Variants in SLC43A2 observed in about 807,000 individuals in gnomAD.
SLC43A2 encodes large neutral amino acids transporter small subunit 4.
Under a neutral mutation model 63.2 loss-of-function variants are expected in SLC43A2, and 38 were observed. That is an observed-to-expected ratio of 0.60 (90% confidence interval 0.46 to 0.79). The LOEUF (loss-of-function observed/expected upper bound fraction) is 0.79, where lower values mean the gene tolerates loss of function less well. Ranked by LOEUF, SLC43A2 falls within the 30% of genes least tolerant of loss-of-function variation. The pLI is 0.00. For missense variants in SLC43A2, 644 were observed against 756.2 expected (o/e 0.85, Z 1.74); for synonymous variants, 322 against 331.0 (o/e 0.97, Z 0.30).
Position 1,578,108 on chromosome 17 carries a change from T to A in SLC43A2, c.1424+142A>T. On this transcript the variant is annotated intron_variant, in intron 12 of 13. Transcript: ENST00000301335. The surrounding 1 kb of genome is among the most constrained non-coding windows in gnomAD (Gnocchi z 6.5). ...TCCCTGAAACACCCAGCAGAAACCC[T>A]GGTACCTGTCCCCTGAAGCAGGAAG... 1 of 780,266 alleles carries A rather than the reference T, an allele frequency of 1.3e-6. No homozygotes were observed. Among genetic ancestry groups the A allele is most frequent in the Non-Finnish European group, 2.0e-6 (1 of 487,898 alleles). 48.3% of individuals were successfully genotyped at this position (780,266 alleles called of 1,614,324 possible). A position where few individuals can be genotyped will look rare whatever the true frequency, so the allele number is the denominator to read the frequency against.
At chr17:1,591,025 G>T in intron 8 of SLC43A2, 77 bp from the exon 9 acceptor site, 4 of 1,480,268 alleles carry the variant, frequency 2.7e-6, no homozygotes, top group Non-Finnish European at 3.7e-6. Context: ...ATCCCTCCAC[G>T]CTGGAGGCCA....
Position 1,593,253 on chromosome 17 carries a change from C to T in SLC43A2, c.528G>A (p.Arg176=). ...LTLPNMFGDL[R]STFIALMIGS... ...CAATCATCAAGGCAATAAACGTGGA[C>T]CGAAGGTCGCCGAACATGTTGGGCA... Residue 176 remains arginine, a synonymous_variant, in exon 6 of 14, where the codon CGG becomes CGA. Coordinates refer to ENST00000301335, the MANE Select transcript of SLC43A2 (RefSeq NM_152346.3). This position sits in a 1 kb window ranked among gnomAD's most constrained non-coding sequence, Gnocchi z 5.3. 1.2e-6 allele frequency: 2 copies of T among 1,613,938 alleles called. No individual in the cohort carries two copies. The highest frequency in any genetic ancestry group is 1.6e-4 in the Middle Eastern group (1 of 6,062).
At position 1,583,988 on chromosome 17, in the gene SLC43A2, T is replaced by C. The variant is rs1315027499; in HGVS notation, c.1218-652A>G. ...TCGGCTCATTGCCACCTCTGCCTCC[T>C]GGGTTCAAGCGATTCTCCTGCCTCA... On this transcript the variant is annotated intron_variant, in intron 10 of 13. Coordinates refer to ENST00000301335, the MANE Select transcript of SLC43A2 (RefSeq NM_152346.3). The surrounding 1 kb of genome is among the most constrained non-coding windows in gnomAD (Gnocchi z 5.5). 6.6e-6 allele frequency among the ~76,000 whole-genome samples: 1 copy of C among 150,802 alleles called. No homozygotes were observed. The highest frequency in any genetic ancestry group is 2.4e-5 in the African/African-American group (1 of 40,942).
At position 1,595,607 on chromosome 17, in the gene SLC43A2, G is replaced by A. The variant is rs144015833; in HGVS notation, c.502-2328C>T. On this transcript the variant is annotated intron_variant, in intron 5 of 13. Coordinates refer to ENST00000301335, the MANE Select transcript of SLC43A2 (RefSeq NM_152346.3). ...ACCACAGGTGTGCACCACCATGCCCGGCTAATTTTTGTATTGTTAGTAGAG... is the reference window on the plus strand; with the variant it reads ...ACCACAGGTGTGCACCACCATGCCCAGCTAATTTTTGTATTGTTAGTAGAG... 2.8e-3 allele frequency among the ~76,000 whole-genome samples: 424 copies of A among 152,156 alleles called. 2 individuals carry two copies. Among genetic ancestry groups the A allele is most frequent in the Middle Eastern group, 0.014 (4 of 294 alleles).
chr17:1,624,320 C>T (rs1042030149), intron 2 of SLC43A2, among the ~76,000 whole-genome samples: 1 of 152,156 alleles, frequency 6.6e-6, no homozygotes, highest in African/African-American at 2.4e-5. Context: ...CACCTGTAGT[C>T]CCAGCACTTT....
chr17:1,604,644 G>T, intron 5 of SLC43A2: 1 of 1,336,632 alleles, frequency 7.5e-7, no homozygotes, highest in Non-Finnish European at 1.0e-6. Context: ...GAGCAGCTGA[G>T]ACTACAGGGG....
rs781248169 is a variant in SLC43A2, at chr17:1,593,308, G to T, written c.502-29C>A. ...AGAGATAAGAAGCAGAGAAACCTCA[G>T]TGGGGAGGATGCACCAGGGAAGGGG... On this transcript the variant is annotated intron_variant, in intron 5 of 13. Coordinates refer to ENST00000301335, the MANE Select transcript of SLC43A2 (RefSeq NM_152346.3). The surrounding 1 kb of genome is among the most constrained non-coding windows in gnomAD (Gnocchi z 5.3). 6.2e-7 allele frequency: 1 copy of T among 1,601,992 alleles called. No homozygotes were observed. The highest frequency in any genetic ancestry group is 8.5e-7 in the Non-Finnish European group (1 of 1,171,068).
At chr17:1,584,807 G>A (rs1257841296) in intron 10 of SLC43A2, among the ~76,000 whole-genome samples, 7 of 143,270 alleles carry the variant, frequency 4.9e-5, no homozygotes, top group South Asian at 2.3e-4. Context: ...GCGACAGAGC[G>A]AGACTCCGTC....
At chr17:1,600,152 A>ATATATATTT (rs1216616243) in intron 5 of SLC43A2, among the ~76,000 whole-genome samples, 12 of 60,274 alleles carry the variant, frequency 2.0e-4, no homozygotes, top group East Asian at 7.0e-4. Context: ...ATATATATAT[A>ATATATATTT]TTTTTTTTTT....
intron 3 of SLC43A2, 194 bp downstream of exon 3, chr17:1,616,368 G>C (rs8065481): frequency 5.1e-6 from 3 of 583,352 alleles, no homozygotes; most frequent in Non-Finnish European, 8.9e-6. Context: ...TTTCTTATTC[G>C]GTACTGGAGC....
At chr17:1,623,975 C>T (rs1486256451) in intron 2 of SLC43A2, among the ~76,000 whole-genome samples, 4 of 152,252 alleles carry the variant, frequency 2.6e-5, no homozygotes, top group African/African-American at 9.6e-5. Flanking sequence ...GCCACATCTC[C>T]GCTGCTGTTC....
At chr17:1,584,431 G>A (rs1421876034) in intron 10 of SLC43A2, among the ~76,000 whole-genome samples, 1 of 152,116 alleles carries the variant, frequency 6.6e-6, no homozygotes, top group Non-Finnish European at 1.5e-5. Flanking sequence ...GGTGCTGGGA[G>A]TCTTCACTGA....
chr17:1,587,091 C>CGTTTCCCGCACTGT (rs2076115263), intron 9 of SLC43A2: 5 of 1,063,604 alleles, frequency 4.7e-6, no homozygotes, highest in East Asian at 2.8e-5. Context: ...TCCCACACTG[C>CGTTTCCCGCACTGT]GTTTCCCGCA....
intron 11 of SLC43A2, among the ~76,000 whole-genome samples, chr17:1,580,302 A>C (rs1396320019): frequency 3.9e-5 from 6 of 152,220 alleles, no homozygotes; most frequent in Non-Finnish European, 8.8e-5. Flanking sequence ...GGGCAGCTGG[A>C]AATCAGCCAC....
intron 5 of SLC43A2, among the ~76,000 whole-genome samples, chr17:1,595,399 G>A (rs1905209618): frequency 6.6e-6 from 1 of 151,240 alleles, no homozygotes; most frequent in Non-Finnish European, 1.5e-5. Flanking sequence ...TCCCCCCCCA[G>A]CTCCCAAGTC....
At chr17:1,628,233 G>C in intron 1 of SLC43A2, 1 of 190,960 alleles carries the variant, frequency 5.2e-6, no homozygotes, top group Non-Finnish European at 1.1e-5. Context: ...CAGGGCCGTG[G>C]AACTAGTCCT....
Position 1,589,838 on chromosome 17 carries a change from C to T in SLC43A2, c.1078+964G>A, listed in dbSNP as rs142765733. ...GTTTCACAATCTTGGCCAGGCTGGT[C>T]TTGAACTCCTGACCTCATGATCCAC... On this transcript the variant is annotated intron_variant, in intron 9 of 13. Transcript: ENST00000301335. Among the ~76,000 whole-genome samples the T allele has an allele frequency of 4.8e-3, 729 of 152,268 alleles. 3 individuals are homozygous for T. Among genetic ancestry groups the T allele is most frequent in the Non-Finnish European group, 8.0e-3 (546 of 68,022 alleles).
In SLC43A2 at chr17:1,586,042, T is replaced by A. The variant is rs763484996; in HGVS notation, c.1088A>T (p.Tyr363Phe). ...CTGGAGCACGCCGAAGATGGAGGTG[T>A]AGAGGCCAACTGTGGAGGAAGGCGC... Reference protein sequence around the residue: ...VSGDQKTVGLYTSIFGVLQLL... With the variant: ...VSGDQKTVGLFTSIFGVLQLL... Residue 363 changes from tyrosine (Y) to phenylalanine (F), a missense_variant, in exon 10 of 14, where the codon TAC becomes TTC. Physicochemically the swap from Tyr to Phe is conservative, Grantham distance 22 (BLOSUM62 3). Coordinates refer to ENST00000301335, the MANE Select transcript of SLC43A2 (RefSeq NM_152346.3). 1.3e-6 allele frequency: 2 copies of A among 1,596,612 alleles called. No individual in the cohort carries two copies. Among genetic ancestry groups the A allele is most frequent in the African/African-American group, 2.7e-5 (2 of 74,554 alleles).
intron 2 of SLC43A2, among the ~76,000 whole-genome samples, chr17:1,623,602 TCTCCTCTCCTCCAGGGTGTACC>T (rs1437821335): frequency 7.8e-4 from 117 of 150,610 alleles, no homozygotes; most frequent in South Asian, 4.0e-3. Context: ...TTCCCACTTC[TCTCCTCTCCTCCAGGGTGTACC>T]CTCCTCTCCT....
Sources: gnomAD v4.1 joint callset for allele counts (sites outside exome capture counted in the v4.1 genomes callset) on GRCh38, gnomAD v4.1.1 for gene constraint, Gnocchi (gnomAD v3.1) non-coding constraint, MANE v1.5 for transcripts, NCBI Gene and HGNC (gene_info 2026-07-23, HGNC 2026-07-21) for gene names.